Variants in CEP78 observed in about 807,000 individuals in gnomAD.
The protein encoded by CEP78 is centrosomal protein of 78 kDa.
In CEP78, 76 loss-of-function variants were observed where a neutral mutation model predicts 81.2. That is an observed-to-expected ratio of 0.94 (90% CI 0.78 to 1.13). CEP78 has a LOEUF of 1.13. Ranked by LOEUF, CEP78 falls within the 50% of genes most tolerant of loss-of-function variation. CEP78 has a pLI of 0.00. For missense variants in CEP78, 918 were observed against 846.8 expected, an observed-to-expected ratio of 1.08 and a Z score of -1.04; for synonymous variants, 293 against 301.4, an observed-to-expected ratio of 0.97 and a Z score of 0.29.
chr9:78,276,003 G>A lies in CEP78; in HGVS notation c.*5152G>A, dbSNP rs1827796129. ...ACATTTATTTGTAAACCATTCCAGA[G>A]GATAGAAAAGAGATGTAAGGCTCCC... is the stretch of plus-strand genomic sequence containing the variant. On this transcript the variant is annotated 3_prime_UTR_variant, in exon 17 of 17. Transcript: ENST00000643273. The A allele has an allele frequency of 6.6e-6, 1 of 152,172 alleles. No individual in the cohort carries two copies. Among genetic ancestry groups the A allele is most frequent in the Non-Finnish European group, 1.5e-5 (1 of 68,052 alleles). The allele number at this position is 152,172 out of a possible 1,614,324, so 9.4% of individuals were successfully genotyped here.
chr9:78,264,047 C>A, intron 12 of CEP78, 103 bp from the exon 13 acceptor site: 1 of 844,258 alleles, frequency 1.2e-6, no homozygotes, highest in Non-Finnish European at 1.7e-6. Flanking sequence ...AGATTAACTG[C>A]AAATTAATTA....
In CEP78 at chr9:78,253,219, G is replaced by A. The variant is rs1348604072; in HGVS notation, c.1206-13G>A. ...ACATCAAAATATAACTTAATTTATC[G>A]ATATCTTTTTAGGGGTTTCCCATTA... On this transcript the variant is annotated splice_polypyrimidine_tract_variant and intron_variant, in intron 9 of 16. Transcript: ENST00000643273. 2.6e-6 allele frequency: 3 copies of A among 1,170,366 alleles called. No homozygotes were observed. The highest frequency in any genetic ancestry group is 1.9e-5 in the Admixed American group (1 of 51,634). The allele number at this position is 1,170,366 out of a possible 1,614,324, so 72.5% of individuals were successfully genotyped here. A position where few individuals can be genotyped will look rare whatever the true frequency, so the allele number is the denominator to read the frequency against.
At position 78,236,388 on chromosome 9, in the gene CEP78, C is replaced by T; in HGVS notation, c.38C>T (p.Ala13Val). 6.3e-7 allele frequency: 1 copy of T among 1,591,406 alleles called. No individual in the cohort carries two copies. Among genetic ancestry groups the T allele is most frequent in the Non-Finnish European group, 8.5e-7 (1 of 1,170,688 alleles). Residue 13 changes from alanine to valine, a missense_variant, in exon 1 of 17, where the codon GCG becomes GTG. Physicochemically the swap from Ala to Val is moderately conservative, Grantham distance 64. Coordinates refer to ENST00000643273, the MANE Select transcript of CEP78 (RefSeq NM_001330691.3). The stretch of plus-strand genomic sequence containing the variant: ...GTGAAGCTGCGCCGCGACAGCGCGG[C>T]GGACTTCTTCTCCCACTACGAGTAC... Reference protein sequence around the residue: ...DSVKLRRDSAADFFSHYEYLC... With the variant: ...DSVKLRRDSAVDFFSHYEYLC...
Position 78,236,316 on chromosome 9 carries a change from C to T in CEP78, c.-35C>T, listed in dbSNP as rs748336278. On this transcript the variant is annotated 5_prime_UTR_variant, in exon 1 of 17. Coordinates refer to ENST00000643273, the MANE Select transcript of CEP78 (RefSeq NM_001330691.3). ...TCTTGGGTGGGCGCGGGCGGCGTCT[C>T]CGCGGCGGGCATCCCCCGAGGCCGC... The T allele has an allele frequency of 2.4e-5, 37 of 1,534,962 alleles. No homozygotes were observed. The African/African-American group carries it at 4.3e-4, about 18-fold the overall frequency.
intron 4 of CEP78, among the ~76,000 whole-genome samples, chr9:78,243,138 T>C (rs1206846902): frequency 6.6e-6 from 1 of 152,188 alleles, no homozygotes; most frequent in African/African-American, 2.4e-5. Flanking sequence ...TCAGCAATGA[T>C]AGAATTTAGA....
At chr9:78,250,412 C>G in intron 8 of CEP78, 1 of 390,100 alleles carries the variant, frequency 2.6e-6, no homozygotes. Context: ...TTTCATCTAA[C>G]AAGATAAGTA....
At chr9:78,267,117 G>T (rs1481294682) in intron 16 of CEP78, 2 of 980,242 alleles carry the variant, frequency 2.0e-6, no homozygotes, top group Non-Finnish European at 2.8e-6. Flanking sequence ...ACTAAAGGAA[G>T]ATTTCTCTAT....
chr9:78,240,445 A>AC, intron 3 of CEP78, 81 bp downstream of exon 3: 2 of 1,203,426 alleles, frequency 1.7e-6, no homozygotes, highest in Non-Finnish European at 2.4e-6. Context: ...TCCTGTCTGT[A>AC]CCTTTTTTCT....
At chr9:78,244,948 A>G (rs562956285) in intron 5 of CEP78, among the ~76,000 whole-genome samples, 80 of 152,274 alleles carry the variant, frequency 5.3e-4, no homozygotes, top group African/African-American at 1.9e-3. Context: ...ACCTTCGCCA[A>G]TCTGATAGAA....
chr9:78,251,285 C>T (rs1001421468), intron 8 of CEP78, among the ~76,000 whole-genome samples: 5 of 152,154 alleles, frequency 3.3e-5, no homozygotes, highest in Admixed American at 1.3e-4. Flanking sequence ...GACTTATAGG[C>T]GGCAACATTG....
intron 5 of CEP78, among the ~76,000 whole-genome samples, chr9:78,246,323 G>C (rs1488675212): frequency 6.6e-6 from 1 of 152,154 alleles, no homozygotes; most frequent in Non-Finnish European, 1.5e-5. Context: ...GAATTGGCCG[G>C]GCGAGGTGGC....
intron 5 of CEP78, among the ~76,000 whole-genome samples, chr9:78,246,297 A>G (rs1055962474): frequency 6.6e-6 from 1 of 151,978 alleles, no homozygotes; most frequent in African/African-American, 2.4e-5. Flanking sequence ...AGTTGTCTGT[A>G]TGTTAAATCT....
In CEP78 at chr9:78,236,487, A is replaced by G. The variant is rs375884026; in HGVS notation, c.137A>G (p.Asn46Ser). 3 of 1,606,908 alleles carry G rather than the reference A, an allele frequency of 1.9e-6. No homozygotes were observed. The African/African-American group carries it at 4.0e-5, about 21-fold the overall frequency. Residue 46 changes from asparagine (N) to serine (S), a missense_variant, in exon 1 of 17, where the codon AAC becomes AGC. Asn to Ser is a conservative substitution (Grantham distance 46). Coordinates refer to ENST00000643273, the MANE Select transcript of CEP78 (RefSeq NM_001330691.3). ...ACLREGVLDF[N>S]ADRLRGVDWA... Reference sequence around the variant, plus strand: ...CTCCGGGAGGGCGTGCTGGATTTCAACGCCGACCGCCTCCGCGGGGTGGAC... The same window carrying G: ...CTCCGGGAGGGCGTGCTGGATTTCAGCGCCGACCGCCTCCGCGGGGTGGAC...
intron 11 of CEP78, among the ~76,000 whole-genome samples, chr9:78,259,752 G>T (rs1336684679): frequency 1.3e-5 from 2 of 152,146 alleles, no homozygotes; most frequent in Non-Finnish European, 2.9e-5. Context: ...CTTGCCCAAG[G>T]TTATACAGCT....
chr9:78,273,983 G>T lies in CEP78; in HGVS notation c.*3132G>T, dbSNP rs1827751856. ...TGACTCAGTCACTCAAAACAGTTTG[G>T]CAGATTCTTTAAATGCTAACATACA... On this transcript the variant is annotated 3_prime_UTR_variant, in exon 17 of 17. Coordinates refer to ENST00000643273, the MANE Select transcript of CEP78 (RefSeq NM_001330691.3). 6.6e-6 allele frequency: 1 copy of T among 152,158 alleles called. No homozygotes were observed. Among genetic ancestry groups the T allele is most frequent in the Non-Finnish European group, 1.5e-5 (1 of 68,046 alleles). 9.4% of individuals were successfully genotyped at this position (152,158 alleles called of 1,614,324 possible). A position where few individuals can be genotyped will look rare whatever the true frequency, so the allele number is the denominator to read the frequency against.
rs1252274552 is a variant in CEP78 at position 78,262,896 on chromosome 9, C to T, written c.1381-11C>T. ...ATTAATTATAATATTTACTTTATTA[C>T]TTAATACTAGGAAAAACTGGAGGAG... On this transcript the variant is annotated splice_polypyrimidine_tract_variant and intron_variant, in intron 11 of 16. Coordinates refer to ENST00000643273, the MANE Select transcript of CEP78 (RefSeq NM_001330691.3). 2 of 1,456,948 alleles carry T rather than the reference C, an allele frequency of 1.4e-6. No homozygotes were observed. Among genetic ancestry groups the T allele is most frequent in the Non-Finnish European group, 1.9e-6 (2 of 1,072,240 alleles). 90.3% of individuals were successfully genotyped at this position (1,456,948 alleles called of 1,614,324 possible).
rs112633801 is a variant in CEP78, at chr9:78,243,348, A to G, written c.604-114A>G. ...AGTCTGTCAGATTAACCCACCTGGC[A>G]TATGTACCTGGTGTGTGTGTAAAGC... On this transcript the variant is annotated intron_variant, in intron 4 of 16. Transcript: ENST00000643273. 4 of 793,538 alleles carry G rather than the reference A, an allele frequency of 5.0e-6. No homozygotes were observed. In the African/African-American group the frequency reaches 5.4e-5, roughly 11 times the overall value. The allele number at this position is 793,538 out of a possible 1,614,324, so 49.2% of individuals were successfully genotyped here.
chr9:78,251,246 T>C (rs1433006452), intron 8 of CEP78, among the ~76,000 whole-genome samples: 1 of 152,186 alleles, frequency 6.6e-6, no homozygotes, highest in Non-Finnish European at 1.5e-5. Flanking sequence ...TTGTGTTCTG[T>C]AAAAGCAAAT....
chr9:78,271,083 G>A lies in CEP78; in HGVS notation c.*232G>A, dbSNP rs1311250077. The A allele has an allele frequency of 1.2e-5, 5 of 433,214 alleles. No homozygotes were observed. Among genetic ancestry groups the A allele is most frequent in the African/African-American group, 8.2e-5 (4 of 48,552 alleles). The allele number at this position is 433,214 out of a possible 1,614,324, so 26.8% of individuals were successfully genotyped here. A position where few individuals can be genotyped will look rare whatever the true frequency, so the allele number is the denominator to read the frequency against. ...CTCTGACCCAAGAAATGCTGGGATC[G>A]GAGAATAAGGGAATTATCCAAAATG... On this transcript the variant is annotated 3_prime_UTR_variant, in exon 17 of 17. Transcript: ENST00000643273.
Sources: allele counts gnomAD v4.1 joint callset (sites outside exome capture counted in the v4.1 genomes callset), GRCh38; gene constraint gnomAD v4.1.1; transcripts MANE v1.5; gene names NCBI Gene and HGNC (gene_info 2026-07-23, HGNC 2026-07-21).